The following ZNF25 variants were observed in gnomAD, a reference collection of about 807,000 sequenced individuals.
The protein encoded by ZNF25 is zinc finger protein 25 (KOX 19).
A neutral mutation model predicts 30.9 loss-of-function variants in ZNF25; 21 were observed. The observed-to-expected ratio is 0.68, with a 90% confidence interval of 0.48 to 0.98. ZNF25 has a LOEUF of 0.98. ZNF25 is among the 50% of genes least tolerant of loss of function. The pLI, the probability that ZNF25 is intolerant of heterozygous loss-of-function variation, is 0.00. For synonymous variants in ZNF25, 169 were observed against 181.3 expected, an observed-to-expected ratio of 0.93 and a Z score of 0.55; for missense variants, 501 against 529.9, an observed-to-expected ratio of 0.95 and a Z score of 0.54.
At chr10:37,971,487 G>A (rs1054378445) in intron 2 of ZNF25, among the ~76,000 whole-genome samples, 2 of 152,088 alleles carry the variant, frequency 1.3e-5, no homozygotes, top group African/African-American at 4.8e-5. Context: ...GATCCCTTGA[G>A]AGGGTCTTGG....
chr10:37,953,690 C>T lies in ZNF25; in HGVS notation c.302+5G>A. On this transcript the variant is annotated splice_donor_5th_base_variant and intron_variant, in intron 5 of 5. Transcript: ENST00000302609. ...TCTATCTTAAACATTAATTCTTGAA[C>T]TTGCCTTGAATTTCCAGCTTGGCTT... The T allele has an allele frequency of 6.2e-7, 1 of 1,613,684 alleles. No homozygotes were observed. Among genetic ancestry groups the T allele is most frequent in the Non-Finnish European group, 8.5e-7 (1 of 1,179,666 alleles).
At chr10:37,965,755 T>A (rs1404889782) in intron 2 of ZNF25, among the ~76,000 whole-genome samples, 1 of 152,226 alleles carries the variant, frequency 6.6e-6, no homozygotes, top group Non-Finnish European at 1.5e-5. Flanking sequence ...TATTGTGATA[T>A]TTTTTAAATT....
intron 1 of ZNF25, among the ~76,000 whole-genome samples, chr10:37,973,221 A>G (rs2063596883): frequency 6.6e-6 from 1 of 152,128 alleles, no homozygotes; most frequent in Admixed American, 6.6e-5. Context: ...GAACAATCTG[A>G]AAAACAAATC....
intron 2 of ZNF25, among the ~76,000 whole-genome samples, chr10:37,959,043 C>T (rs1295377435): frequency 6.6e-6 from 1 of 152,122 alleles, no homozygotes; most frequent in Non-Finnish European, 1.5e-5. Context: ...AGTGAAACTC[C>T]ATCTCAAAAA....
chr10:37,969,926 C>T (rs755949610), intron 2 of ZNF25, among the ~76,000 whole-genome samples: 3 of 152,082 alleles, frequency 2.0e-5, no homozygotes, highest in Non-Finnish European at 4.4e-5. Context: ...ATTCTCGACT[C>T]ACTTTATAAG....
Position 37,952,698 on chromosome 10 carries a change from A to G in ZNF25, c.800T>C (p.Phe267Ser). Reference protein sequence around the residue: ...PYECKECGKAFSQKSHLTVHQ... With the variant: ...PYECKECGKASSQKSHLTVHQ... ...TACTGTGAGGTGTGACTTCTGGGAAAAGGCTTTCCCACACTCCTTACACTC... is the reference window on the plus strand; with the variant it reads ...TACTGTGAGGTGTGACTTCTGGGAAGAGGCTTTCCCACACTCCTTACACTC... Residue 267 changes from phenylalanine (F) to serine (S), a missense_variant, in exon 6 of 6, where the codon TTT becomes TCT. By Grantham distance (155) the Phe-to-Ser change is radical. Transcript: ENST00000302609. The G allele has an allele frequency of 1.2e-6, 2 of 1,613,616 alleles. No homozygotes were observed. The highest frequency in any genetic ancestry group is 2.2e-5 in the East Asian group (1 of 44,796).
intron 2 of ZNF25, among the ~76,000 whole-genome samples, chr10:37,967,561 C>G (rs1328751765): frequency 2.6e-5 from 4 of 152,028 alleles, no homozygotes; most frequent in African/African-American, 9.7e-5. Context: ...AAAGTGCACA[C>G]CACCCACCTG....
chr10:37,954,859 G>T (rs2062417124), intron 4 of ZNF25, among the ~76,000 whole-genome samples: 1 of 152,112 alleles, frequency 6.6e-6, no homozygotes, highest in Non-Finnish European at 1.5e-5. Flanking sequence ...CATGAAATAA[G>T]ATCATATGTA....
rs2063835411 is a variant in ZNF25, at chr10:37,976,564, G to T, written c.-144C>A. 6.6e-6 allele frequency: 1 copy of T among 152,660 alleles called. No homozygotes were observed. Among genetic ancestry groups the T allele is most frequent in the African/African-American group, 2.4e-5 (1 of 41,470 alleles). 9.5% of individuals were successfully genotyped at this position (152,660 alleles called of 1,614,324 possible). On this transcript the variant is annotated 5_prime_UTR_variant, in exon 1 of 6. Transcript: ENST00000302609. ...CCGGGCCCAGGCCCCGCCCTTTGCG[G>T]CCCAGCCCAGACCCGGAGGCACCGG... is the stretch of plus-strand genomic sequence containing the variant.
chr10:37,962,099 G>T (rs546017485), intron 2 of ZNF25, among the ~76,000 whole-genome samples: 82 of 151,636 alleles, frequency 5.4e-4, no homozygotes, highest in Non-Finnish European at 1.0e-3. Context: ...AGCAGGGCAT[G>T]GTGGTAGGCT....
intron 2 of ZNF25, among the ~76,000 whole-genome samples, chr10:37,963,472 T>C (rs2063004954): frequency 6.6e-6 from 1 of 152,142 alleles, no homozygotes. Context: ...GGGGAGAAAA[T>C]GTGTGGCACT....
intron 1 of ZNF25, among the ~76,000 whole-genome samples, chr10:37,975,576 CCTCTGGGCTGGATGGGATTCCCAG>C (rs1188038703): frequency 6.6e-6 from 1 of 152,088 alleles, no homozygotes; most frequent in Non-Finnish European, 1.5e-5. Context: ...TAGAAACTAG[CCTCTGGGCTGGATGGGATTCCCAG>C]CTTCTCCTGT....
At chr10:37,953,354 T>C in intron 5 of ZNF25, 159 bp from the exon 6 acceptor site, 1 of 687,316 alleles carries the variant, frequency 1.5e-6, no homozygotes, top group Non-Finnish European at 2.4e-6. Context: ...GTGAGCATTC[T>C]CTGACCTGCA....
chr10:37,954,510 T>C (rs989584906), intron 4 of ZNF25, among the ~76,000 whole-genome samples: 1 of 152,158 alleles, frequency 6.6e-6, no homozygotes, highest in African/African-American at 2.4e-5. Flanking sequence ...GAATTCCTAG[T>C]TGTACCACCA....
In ZNF25 at chr10:37,952,265, T is replaced by C; in HGVS notation, c.1233A>G (p.Ser411=). 6.2e-7 allele frequency: 1 copy of C among 1,613,954 alleles called. No individual in the cohort carries two copies. The highest frequency in any genetic ancestry group is 1.3e-5 in the African/African-American group (1 of 75,016). The change falls in exon 6 of 6, where the codon TCA becomes TCG. Residue 411 remains serine (S), a synonymous_variant. Transcript: ENST00000302609. ...GTTTTCTCTGATGTATAATAAAATG[T>C]GACTTCTGAGAAAAGGACTTCCCAC... ...KECGKSFSQK[S]HFIIHQRKHT...
rs148793255 is a variant in ZNF25, at chr10:37,952,295, C to T, written c.1203G>A (p.Lys401=). Residue 401 remains lysine (K), a synonymous_variant, in exon 6 of 6, where the codon AAG becomes AAA. Transcript: ENST00000302609. Reference sequence around the variant, plus strand: ...TCTGAGAAAAGGACTTCCCACATTCCTTGCATGCATAGGGCTTCTCTCCTG... The same window carrying T: ...TCTGAGAAAAGGACTTCCCACATTCTTTGCATGCATAGGGCTTCTCTCCTG... ...THTGEKPYAC[K]ECGKSFSQKS... The T allele has an allele frequency of 2.5e-6, 4 of 1,611,176 alleles. No homozygotes were observed. The highest frequency in any genetic ancestry group is 1.3e-5 in the African/African-American group (1 of 74,286).
chr10:37,957,669 T>C, intron 2 of ZNF25, 123 bp from the exon 3 acceptor site: 1 of 1,101,166 alleles, frequency 9.1e-7, no homozygotes, highest in Non-Finnish European at 1.3e-6. Context: ...TTAGGATATT[T>C]GCCATGCTGT....
intron 2 of ZNF25, among the ~76,000 whole-genome samples, chr10:37,962,403 T>C (rs1009751104): frequency 6.6e-5 from 10 of 152,190 alleles, no homozygotes; most frequent in Admixed American, 2.0e-4. Context: ...CTTCTAAATA[T>C]GTTAACAAAG....
intron 2 of ZNF25, among the ~76,000 whole-genome samples, chr10:37,968,484 T>C (rs1385055035): frequency 6.6e-6 from 1 of 152,074 alleles, no homozygotes; most frequent in African/African-American, 2.4e-5. Flanking sequence ...GCCTCCCAAG[T>C]AGCTGGGACT....
Sources: allele counts gnomAD v4.1 joint callset (sites outside exome capture counted in the v4.1 genomes callset), GRCh38; gene constraint gnomAD v4.1.1; transcripts MANE v1.5; gene names NCBI Gene and HGNC (gene_info 2026-07-23, HGNC 2026-07-21).